Variants in RAB37 observed in about 807,000 individuals in gnomAD.
RAB37 encodes RAB37, member RAS oncogene family.
Under a neutral mutation model 33.1 loss-of-function variants are expected in RAB37, and 29 were observed. The observed-to-expected ratio is 0.88, with a 90% CI of 0.65 to 1.20. RAB37 has a LOEUF of 1.20. Among genes scored for constraint, RAB37 ranks in the 50% most tolerant of loss-of-function variants. The pLI is 0.00. For missense variants in RAB37, 299 were observed against 301.1 expected (o/e 0.99, Z 0.05); for synonymous variants, 128 against 119.5 (o/e 1.07, Z -0.47).
intron 1 of RAB37, among the ~76,000 whole-genome samples, chr17:74,727,213 A>G (rs1274953328): frequency 6.6e-6 from 1 of 152,180 alleles, no homozygotes; most frequent in Non-Finnish European, 1.5e-5. Context: ...TATTCTATAG[A>G]CTGGATTTTT....
chr17:74,723,285 A>G (rs2034264589), intron 1 of RAB37, among the ~76,000 whole-genome samples: 1 of 152,178 alleles, frequency 6.6e-6, no homozygotes, highest in African/African-American at 2.4e-5. Context: ...ACCTATAACC[A>G]AACACAATGC....
chr17:74,708,882 C>G (rs2033742998), intron 1 of RAB37, among the ~76,000 whole-genome samples: 1 of 150,248 alleles, frequency 6.7e-6, no homozygotes, highest in Non-Finnish European at 1.5e-5. Context: ...CGCCACTGCA[C>G]TCCAGCCTGG....
At chr17:74,703,271 C>G in intron 1 of RAB37, 1 of 673,564 alleles carries the variant, frequency 1.5e-6, no homozygotes, top group Non-Finnish European at 2.5e-6. Flanking sequence ...GGGCTGCAGC[C>G]TGGACCACTC....
At chr17:74,714,944 A>G (rs1047356553) in intron 1 of RAB37, among the ~76,000 whole-genome samples, 6 of 152,202 alleles carry the variant, frequency 3.9e-5, no homozygotes, top group African/African-American at 7.2e-5. Flanking sequence ...CAACATGGCA[A>G]AACCCCGTCT....
chr17:74,676,931 T>C lies in RAB37; in HGVS notation c.72+5273T>C, dbSNP rs1486320997. On this transcript the variant is annotated intron_variant, in intron 1 of 7. Coordinates refer to the RAB37 transcript ENST00000340415. The surrounding 1 kb of genome is among the most constrained non-coding windows in gnomAD (Gnocchi z 4.1). ...ACTTTGGGAGGCTGAGGCAGGTGGA[T>C]CATGAGGTCAGGAATTCGAGACCAG... Among the ~76,000 whole-genome samples the C allele has an allele frequency of 6.6e-6, 1 of 152,082 alleles. No individual in the cohort carries two copies. Among genetic ancestry groups the C allele is most frequent in the Non-Finnish European group, 1.5e-5 (1 of 68,030 alleles).
upstream of RAB37, chr17:74,737,169 G>T: frequency 6.4e-7 from 1 of 1,555,070 alleles, no homozygotes; most frequent in South Asian, 1.2e-5. Flanking sequence ...GGAGCCTGAG[G>T]GGTCCCGGTC....
chr17:74,724,816 C>T (rs2034286453), intron 1 of RAB37, among the ~76,000 whole-genome samples: 1 of 152,222 alleles, frequency 6.6e-6, no homozygotes, highest in African/African-American at 2.4e-5. Flanking sequence ...GGAATGTGAT[C>T]AGTTAAGGCT....
At chr17:74,673,345 G>A (rs891918354) in intron 1 of RAB37, among the ~76,000 whole-genome samples, 4 of 150,930 alleles carry the variant, frequency 2.7e-5, no homozygotes, top group Non-Finnish European at 5.9e-5. Flanking sequence ...AGAGACTGCA[G>A]TGAACCGAAA....
chr17:74,696,796 G>A (rs1391697532), intron 1 of RAB37, among the ~76,000 whole-genome samples: 1 of 152,198 alleles, frequency 6.6e-6, no homozygotes, highest in Admixed American at 6.5e-5. Context: ...TGCTGAGCAG[G>A]TGGTGCTCCA....
intron 1 of RAB37, chr17:74,713,106 A>T: frequency 2.0e-6 from 1 of 496,212 alleles, no homozygotes; most frequent in East Asian, 3.8e-5. Flanking sequence ...GGAGTTCAAG[A>T]TCAGCCTGGC....
At chr17:74,714,429 A>ACACACACACC in intron 1 of RAB37, among the ~76,000 whole-genome samples, 1 of 151,152 alleles carries the variant, frequency 6.6e-6, no homozygotes, top group East Asian at 1.9e-4. Context: ...ACACACACAC[A>ACACACACACC]CACACGCACG....
Position 74,745,542 on chromosome 17 carries a change from G to A in RAB37, c.*131G>A. On this transcript the variant is annotated 3_prime_UTR_variant, in exon 9 of 9. Transcript: ENST00000392613. This position sits in a 1 kb window ranked among gnomAD's most constrained non-coding sequence, Gnocchi z 4.5. ...GGACTCACTGCACAGCCGCTTCCTAGCAGGGAGCTATACTCCAACTCCTAC... is the reference window on the plus strand; with the variant it reads ...GGACTCACTGCACAGCCGCTTCCTAACAGGGAGCTATACTCCAACTCCTAC... 1.4e-6 allele frequency: 1 copy of A among 703,894 alleles called. No homozygotes were observed. The highest frequency in any genetic ancestry group is 2.5e-6 in the Non-Finnish European group (1 of 404,606). 43.6% of individuals were successfully genotyped at this position (703,894 alleles called of 1,614,324 possible). A position where few individuals can be genotyped will look rare whatever the true frequency, so the allele number is the denominator to read the frequency against.
chr17:74,737,126 C>T (rs775745042), upstream of RAB37: 65 of 1,443,116 alleles, frequency 4.5e-5, no homozygotes, highest in South Asian at 3.8e-4. Flanking sequence ...AGGTCCGAGC[C>T]GGTGTCGTCG....
intron 1 of RAB37, among the ~76,000 whole-genome samples, chr17:74,696,582 C>G (rs980999306): frequency 1.5e-4 from 23 of 152,232 alleles, no homozygotes; most frequent in African/African-American, 5.3e-4. Context: ...CTACCTGATT[C>G]ATCCTTCAGG....
upstream of RAB37, among the ~76,000 whole-genome samples, chr17:74,732,959 G>T (rs1045651917): frequency 1.1e-4 from 16 of 151,972 alleles, no homozygotes; most frequent in African/African-American, 3.6e-4. Context: ...GGAGGGTAGG[G>T]GTGTCTATTT....
chr17:74,671,370 G>GGTGC lies in RAB37; in HGVS notation c.-216_-213dup. ...GCACAACGGCGGAGTCGCTGTTCCT[G>GGTGC]GTGCTGAAACGCTCAGTCCTGGAAG... On this transcript the variant is annotated 5_prime_UTR_variant, in exon 1 of 8. Coordinates refer to the RAB37 transcript ENST00000340415. The surrounding 1 kb of genome is among the most constrained non-coding windows in gnomAD (Gnocchi z 5.0). 2 of 558,720 alleles carry GGTGC rather than the reference G, an allele frequency of 3.6e-6. No homozygotes were observed. Among genetic ancestry groups the GGTGC allele is most frequent in the Non-Finnish European group, 6.4e-6 (2 of 312,788 alleles). 34.6% of individuals were successfully genotyped at this position (558,720 alleles called of 1,614,324 possible).
chr17:74,714,966 A>G (rs1356167570), intron 1 of RAB37, among the ~76,000 whole-genome samples: 1 of 152,166 alleles, frequency 6.6e-6, no homozygotes, highest in Non-Finnish European at 1.5e-5. Flanking sequence ...TACTAAAAAT[A>G]CAAAACTTAG....
chr17:74,723,010 T>C lies in RAB37; in HGVS notation c.73-6246T>C, dbSNP rs377269250. Among the ~76,000 whole-genome samples the C allele has an allele frequency of 4.5e-4, 69 of 152,324 alleles. 2 individuals are homozygous for C. In the East Asian group the frequency reaches 0.013, roughly 28 times the overall value. ...TAGACAGCATTAGCCTGGCTCCCAT[T>C]GAGAGGCCTGGATAAAGTAGGATTT... On this transcript the variant is annotated intron_variant, in intron 1 of 7. Coordinates refer to the RAB37 transcript ENST00000340415.
At chr17:74,713,768 C>T (rs537566663) in intron 1 of RAB37, among the ~76,000 whole-genome samples, 118 of 151,828 alleles carry the variant, frequency 7.8e-4, no homozygotes, top group Non-Finnish European at 1.4e-3. Context: ...GGGTATCCAA[C>T]CCCAGACTAC....
Sources: allele counts gnomAD v4.1 joint callset (sites outside exome capture counted in the v4.1 genomes callset), GRCh38; gene constraint gnomAD v4.1.1; non-coding constraint Gnocchi (gnomAD v3.1); transcripts MANE v1.5; gene names NCBI Gene and HGNC (gene_info 2026-07-23, HGNC 2026-07-21).